Variants in PLEKHM2 observed in about 807,000 individuals in gnomAD.
The protein encoded by PLEKHM2 is pleckstrin homology domain-containing family M member 2.
In PLEKHM2, 77 loss-of-function variants were observed where a neutral mutation model predicts 116.3. That is an observed-to-expected ratio of 0.66 (90% CI 0.55 to 0.80). The LOEUF (loss-of-function observed/expected upper bound fraction) is 0.80, where lower values mean the gene tolerates loss of function less well. Ranked by LOEUF, PLEKHM2 falls within the 30% of genes least tolerant of loss-of-function variation. The pLI, the probability that PLEKHM2 is intolerant of heterozygous loss-of-function variation, is 0.00. For synonymous variants in PLEKHM2, 562 were observed against 571.0 expected (o/e 0.98, Z 0.22); for missense variants, 1,183 against 1,354.9 (o/e 0.87, Z 1.99).
intron 7 of PLEKHM2, among the ~76,000 whole-genome samples, chr1:15,724,308 C>T (rs1458870904): frequency 6.6e-6 from 1 of 152,128 alleles, no homozygotes; most frequent in Non-Finnish European, 1.5e-5. Flanking sequence ...CATGGTGAAA[C>T]CCCAGCTCTA....
At position 15,732,388 on chromosome 1, in the gene PLEKHM2, C is replaced by T; in HGVS notation, c.2664C>T (p.Pro888=). 5.1e-6 allele frequency: 8 copies of T among 1,561,818 alleles called. No individual in the cohort carries two copies. The highest frequency in any genetic ancestry group is 6.9e-6 in the Non-Finnish European group (8 of 1,153,108). Residue 888 remains proline (P), a synonymous_variant, in exon 18 of 20, where the codon CCC becomes CCT. Transcript: ENST00000375799. Reference sequence around the variant, plus strand: ...GCGTAGCTCCCAGCCCCTGCATACCCTGCTGCCTGGTCCTCACGGATGACC... The same window carrying T: ...GCGTAGCTCCCAGCCCCTGCATACCTTGCTGCCTGGTCCTCACGGATGACC... ...PQGVAPSPCI[P]CCLVLTDDRL...
chr1:15,684,725 C>G, intron 1 of PLEKHM2, 107 bp downstream of exon 1: 1 of 536,568 alleles, frequency 1.9e-6, no homozygotes, highest in Non-Finnish European at 2.7e-6. Context: ...CCTCCGCGAC[C>G]CGGGGGGCGA....
At chr1:15,699,392 TC>T (rs1641066102) in intron 1 of PLEKHM2, among the ~76,000 whole-genome samples, 2 of 152,214 alleles carry the variant, frequency 1.3e-5, no homozygotes, top group East Asian at 1.9e-4. Context: ...CCGCCCCGTG[TC>T]CAAGTGTTCT....
intron 1 of PLEKHM2, among the ~76,000 whole-genome samples, chr1:15,686,913 G>C (rs1571013578): frequency 6.6e-6 from 1 of 152,002 alleles, no homozygotes; most frequent in Non-Finnish European, 1.5e-5. Flanking sequence ...GCCTCCCAAA[G>C]TGCTGGGATT....
chr1:15,729,984 C>G lies in PLEKHM2; in HGVS notation c.2208+55C>G. ...GCCCCTGAGATGGCAGAGCAGCAGC[C>G]GCCTTGGCGTGAGCGTTAAGGGATG... is the stretch of plus-strand genomic sequence containing the variant. On this transcript the variant is annotated intron_variant, in intron 14 of 19. Coordinates refer to ENST00000375799, the MANE Select transcript of PLEKHM2 (RefSeq NM_015164.4). The surrounding 1 kb of genome is among the most constrained non-coding windows in gnomAD (Gnocchi z 4.7). 1 of 1,433,876 alleles carries G rather than the reference C, an allele frequency of 7.0e-7. No individual in the cohort carries two copies. The highest frequency in any genetic ancestry group is 9.3e-7 in the Non-Finnish European group (1 of 1,071,950). 88.8% of individuals were successfully genotyped at this position (1,433,876 alleles called of 1,614,324 possible).
intron 1 of PLEKHM2, among the ~76,000 whole-genome samples, chr1:15,701,865 G>A (rs1167771295): frequency 6.6e-6 from 1 of 152,200 alleles, no homozygotes; most frequent in East Asian, 1.9e-4. Flanking sequence ...GTGTCTTTCT[G>A]AGGGGATGGA....
chr1:15,725,603 C>T (rs773206768), intron 8 of PLEKHM2, 58 bp downstream of exon 8: 27 of 1,231,108 alleles, frequency 2.2e-5, no homozygotes, highest in Non-Finnish European at 3.0e-5. Context: ...CTGTCCACTC[C>T]CAGCATCAGC....
At chr1:15,724,185 G>C (rs992027908) in intron 7 of PLEKHM2, among the ~76,000 whole-genome samples, 1 of 152,226 alleles carries the variant, frequency 6.6e-6, no homozygotes, top group Non-Finnish European at 1.5e-5. Flanking sequence ...GCTGACACTT[G>C]AATGAAATGG....
intron 1 of PLEKHM2, among the ~76,000 whole-genome samples, chr1:15,689,258 A>AAG (rs1553157435): frequency 5.3e-5 from 8 of 151,630 alleles, no homozygotes; most frequent in South Asian, 2.1e-4. Flanking sequence ...AAAAAAAAAA[A>AAG]AAAGAAAGAA....
rs1236696676 is a variant in PLEKHM2, at chr1:15,727,643, C to T, written c.1571C>T (p.Ala524Val). The T allele has an allele frequency of 6.3e-7, 1 of 1,593,180 alleles. No homozygotes were observed. The highest frequency in any genetic ancestry group is 8.5e-7 in the Non-Finnish European group (1 of 1,170,602). ...PRPLEDTTRE[A>V]QELEAQLSLV... ...CCCCTAGAGGATACCACGAGGGAGG[C>T]TCAGGAGCTGGAGGCCCAGCTGTCC... Residue 524 changes from alanine (A) to valine (V), a missense_variant, in exon 9 of 20, where the codon GCT (alanine) becomes GTT (valine). Physicochemically the swap from Ala to Val is moderately conservative, Grantham distance 64. Transcript: ENST00000375799. The surrounding 1 kb of genome is among the most constrained non-coding windows in gnomAD (Gnocchi z 7.5).
rs766262284 is a variant in PLEKHM2, at chr1:15,718,608, C to G, written c.448C>G (p.Arg150Gly). ...CTTGGTGTCCGGGCTAGAGTTCATTCGTTTCGAGCTGGATCTGGTGAGACA... is the reference window on the plus strand; with the variant it reads ...CTTGGTGTCCGGGCTAGAGTTCATTGGTTTCGAGCTGGATCTGGTGAGACA... ...LTLVSGLEFI[R>G]FELDLDAPYL... The change falls in exon 5 of 20, where the codon CGT becomes GGT. Residue 150 changes from arginine (R) to glycine (G), a missense_variant. This residue lies in a region of PLEKHM2 where 217 missense variants were observed against 277.6 expected (regional missense o/e 0.78). Transcript: ENST00000375799. The G allele has an allele frequency of 2.1e-6, 3 of 1,399,628 alleles. No homozygotes were observed. The highest frequency in any genetic ancestry group is 2.9e-6 in the Non-Finnish European group (3 of 1,050,468). 86.7% of individuals were successfully genotyped at this position (1,399,628 alleles called of 1,614,324 possible).
chr1:15,718,077 C>T, intron 4 of PLEKHM2, 85 bp downstream of exon 4: 1 of 832,052 alleles, frequency 1.2e-6, no homozygotes. Flanking sequence ...GCAGACAGCA[C>T]AGTGTGCCAC....
chr1:15,713,813 T>C (rs1440977566), intron 1 of PLEKHM2, among the ~76,000 whole-genome samples: 1 of 152,060 alleles, frequency 6.6e-6, no homozygotes, highest in East Asian at 1.9e-4. Context: ...TTTTTTGCAT[T>C]TTGCTTAGTA....
At chr1:15,718,335 A>G (rs1270865832) in intron 4 of PLEKHM2, among the ~76,000 whole-genome samples, 2 of 152,240 alleles carry the variant, frequency 1.3e-5, no homozygotes, top group African/African-American at 2.4e-5. Context: ...ATCTCTGAAG[A>G]CACTGGCAGG....
chr1:15,692,808 C>T (rs760810712), intron 1 of PLEKHM2, among the ~76,000 whole-genome samples: 2 of 152,274 alleles, frequency 1.3e-5, no homozygotes, highest in Non-Finnish European at 2.9e-5. Context: ...GGCACGATCT[C>T]GGCTCACTGC....
Position 15,728,615 on chromosome 1 carries a change from G to A in PLEKHM2, c.1922-54G>A. 1 of 1,478,374 alleles carries A rather than the reference G, an allele frequency of 6.8e-7. No homozygotes were observed. The highest frequency in any genetic ancestry group is 1.8e-4 in the Middle Eastern group (1 of 5,532). The allele number at this position is 1,478,374 out of a possible 1,614,324, so 91.6% of individuals were successfully genotyped here. ...GGCTGTGTCTAAGAAAATGGGGCAG[G>A]GGGAGGGAAAAGAGGCCTGTGGGGA... On this transcript the variant is annotated intron_variant, in intron 11 of 19. Transcript: ENST00000375799. The surrounding 1 kb of genome is among the most constrained non-coding windows in gnomAD (Gnocchi z 5.9).
At position 15,719,594 on chromosome 1, in the gene PLEKHM2, C is replaced by A; in HGVS notation, c.466-140C>A. ...CTATTCACATTGCTCTTCTTAGCAG[C>A]TTTTCTTTGAATTTACTACCTTAAG... On this transcript the variant is annotated intron_variant, in intron 5 of 19. Coordinates refer to ENST00000375799, the MANE Select transcript of PLEKHM2 (RefSeq NM_015164.4). This position sits in a 1 kb window ranked among gnomAD's most constrained non-coding sequence, Gnocchi z 4.1. 1.7e-6 allele frequency: 1 copy of A among 589,704 alleles called. No homozygotes were observed. The highest frequency in any genetic ancestry group is 3.0e-6 in the Non-Finnish European group (1 of 331,728). The allele number at this position is 589,704 out of a possible 1,614,324, so 36.5% of individuals were successfully genotyped here. A position where few individuals can be genotyped will look rare whatever the true frequency, so the allele number is the denominator to read the frequency against.
rs1331143890 is a variant in PLEKHM2, at chr1:15,731,940, C to T, written c.2517C>T (p.His839=). The part of the protein sequence containing the change: ...CRRANTTDRP[H]AFQVILSDRP... ...GAGCCAACACCACGGATCGGCCCCA[C>T]GCCTTCCAGGTCATTCTCTCCGACC... The change falls in exon 17 of 20, where the codon CAC becomes CAT. Residue 839 remains histidine, a synonymous_variant. Transcript: ENST00000375799. 5.6e-6 allele frequency: 9 copies of T among 1,611,524 alleles called. No individual in the cohort carries two copies. Among genetic ancestry groups the T allele is most frequent in the East Asian group, 2.2e-5 (1 of 44,854 alleles).
chr1:15,708,543 C>T (rs1212236857), intron 1 of PLEKHM2, among the ~76,000 whole-genome samples: 1 of 152,076 alleles, frequency 6.6e-6, no homozygotes, highest in Non-Finnish European at 1.5e-5. Flanking sequence ...TCTTGGATTC[C>T]CCTAAAACGT....
Sources: allele counts gnomAD v4.1 joint callset (sites outside exome capture counted in the v4.1 genomes callset), GRCh38; gene constraint gnomAD v4.1.1; regional missense constraint gnomAD v4.1.1; non-coding constraint Gnocchi (gnomAD v3.1); transcripts MANE v1.5; gene names NCBI Gene and HGNC (gene_info 2026-07-23, HGNC 2026-07-21).